The following UNC13C variants were observed in gnomAD, a reference collection of about 807,000 sequenced individuals.
The protein encoded by UNC13C is protein unc-13 homolog C.
UNC13C carries 174 observed loss-of-function variants against 245.4 expected under a neutral mutation model. The ratio of observed to expected loss-of-function variants is 0.71; its 90% CI spans 0.63 to 0.80. UNC13C has a LOEUF of 0.80. UNC13C is among the 30% of genes least tolerant of loss of function. The probability of loss-of-function intolerance (pLI) is 0.00; values close to 1 mark genes in which losing one functional copy is unlikely to be tolerated. For synonymous variants in UNC13C, 992 were observed against 895.1 expected (o/e 1.11, Z -1.93); for missense variants, 2,829 against 2,602.9 (o/e 1.09, Z -1.89).
chr15:54,451,742 T>G (rs1283703931), intron 19 of UNC13C, among the ~76,000 whole-genome samples: 1 of 152,220 alleles, frequency 6.6e-6, no homozygotes, highest in Non-Finnish European at 1.5e-5. Flanking sequence ...TACTTTTAAT[T>G]TTTCTGGTAT....
intron 8 of UNC13C, among the ~76,000 whole-genome samples, chr15:54,252,054 A>T (rs1248420018): frequency 2.0e-5 from 3 of 152,200 alleles, no homozygotes; most frequent in African/African-American, 7.2e-5. Flanking sequence ...TTTACATGCA[A>T]AATCTCATAA....
chr15:54,120,113 T>C (rs1384254560), intron 2 of UNC13C, among the ~76,000 whole-genome samples: 1 of 152,154 alleles, frequency 6.6e-6, no homozygotes, highest in African/African-American at 2.4e-5. Flanking sequence ...AAACAACAGA[T>C]TTTCAATATA....
At chr15:54,188,240 T>C (rs1270605385) in intron 4 of UNC13C, among the ~76,000 whole-genome samples, 1 of 152,176 alleles carries the variant, frequency 6.6e-6, no homozygotes, top group Non-Finnish European at 1.5e-5. Context: ...TAGAAAACCA[T>C]AACATTTGAA....
At chr15:53,976,890 A>ACGTT (rs1429947447), upstream of UNC13C, 1 of 152,202 alleles carries the variant, frequency 6.6e-6, no homozygotes, top group Non-Finnish European at 1.5e-5. Context: ...GTATTAAAAC[A>ACGTT]CGTTCTTCAA....
At chr15:54,321,012 A>C in intron 13 of UNC13C, 2 of 441,512 alleles carry the variant, frequency 4.5e-6, no homozygotes, top group Non-Finnish European at 8.8e-6. Context: ...AAAGCCACAC[A>C]GTCACTAACG....
At chr15:54,309,786 G>A (rs576570761) in intron 13 of UNC13C, among the ~76,000 whole-genome samples, 41 of 151,874 alleles carry the variant, frequency 2.7e-4, no homozygotes, top group Non-Finnish European at 4.0e-4. Context: ...TGGCACTCCC[G>A]TTGAAAATCA....
chr15:54,161,518 A>G (rs1214048659), intron 4 of UNC13C, among the ~76,000 whole-genome samples: 11 of 152,266 alleles, frequency 7.2e-5, no homozygotes, highest in Middle Eastern at 3.4e-3. Flanking sequence ...AGCATTAATA[A>G]CAACTGCCAG....
In UNC13C at chr15:54,245,807, AT is replaced by A. The variant is rs572179599; in HGVS notation, c.3229-4409del. The stretch of plus-strand genomic sequence containing the variant: ...TGAAAAATGGCTCAAAACAAGAAGC[AT>A]TTTTTTTTCTTGAAAGTATCAAAAT... On this transcript the variant is annotated intron_variant, in intron 7 of 32. Coordinates refer to ENST00000260323, the MANE Select transcript of UNC13C (RefSeq NM_001080534.3). 6.0e-3 allele frequency among the ~76,000 whole-genome samples: 916 copies of A among 151,412 alleles called. 7 individuals carry two copies. Among genetic ancestry groups the A allele is most frequent in the African/African-American group, 0.015 (599 of 41,290 alleles).
At chr15:53,957,923 G>T in the UNC13C span, among the ~76,000 whole-genome samples, 4 of 152,078 alleles carry the variant, frequency 2.6e-5, no homozygotes, top group Admixed American at 2.0e-4. Context: ...ATAAGCAAAA[G>T]ATATATTTAA....
At chr15:54,146,628 A>G (rs2032272246) in intron 4 of UNC13C, among the ~76,000 whole-genome samples, 3 of 152,234 alleles carry the variant, frequency 2.0e-5, no homozygotes, top group African/African-American at 7.2e-5. Context: ...AGCAAGAGAA[A>G]GTAGGAAAGA....
intron 30 of UNC13C, among the ~76,000 whole-genome samples, chr15:54,588,984 C>T (rs774112691): frequency 6.6e-6 from 1 of 152,108 alleles, no homozygotes; most frequent in Non-Finnish European, 1.5e-5. Context: ...ACTTCTTTGC[C>T]TTTGGGTAGA....
At chr15:54,230,368 G>C (rs1006527889) in intron 4 of UNC13C, among the ~76,000 whole-genome samples, 4 of 151,674 alleles carry the variant, frequency 2.6e-5, no homozygotes, top group African/African-American at 9.7e-5. Flanking sequence ...TTTATATCCT[G>C]CTTGATAGTT....
At chr15:54,321,121 C>G in intron 13 of UNC13C, 1 of 515,420 alleles carries the variant, frequency 1.9e-6, no homozygotes, top group Non-Finnish European at 3.8e-6. Context: ...GGGTGAGGCA[C>G]TAGCCATCTC....
chr15:54,446,691 C>G (rs1420912378), intron 19 of UNC13C, among the ~76,000 whole-genome samples: 1 of 152,130 alleles, frequency 6.6e-6, no homozygotes, highest in African/African-American at 2.4e-5. Context: ...AGATTTTGGG[C>G]TGAGATAATG....
At chr15:54,404,019 A>G (rs117785398) in intron 18 of UNC13C, among the ~76,000 whole-genome samples, 1,762 of 152,270 alleles carry the variant, frequency 0.012, 17 homozygotes, top group Non-Finnish European at 0.017. Flanking sequence ...CACTACATTC[A>G]TGATAATAGC....
At chr15:54,202,593 C>G (rs539234420) in intron 4 of UNC13C, among the ~76,000 whole-genome samples, 50 of 152,042 alleles carry the variant, frequency 3.3e-4, no homozygotes, top group African/African-American at 1.2e-3. Flanking sequence ...ACAAATGGTA[C>G]TGGGATAATT....
chr15:54,586,983 C>T (rs1053216025), intron 30 of UNC13C, among the ~76,000 whole-genome samples: 8 of 152,184 alleles, frequency 5.3e-5, no homozygotes, highest in African/African-American at 9.6e-5. Flanking sequence ...TCCACTTACA[C>T]ATTCATTTAT....
chr15:54,164,714 T>G (rs903812645), intron 4 of UNC13C, among the ~76,000 whole-genome samples: 9 of 152,158 alleles, frequency 5.9e-5, no homozygotes, highest in Non-Finnish European at 1.3e-4. Flanking sequence ...TGTTCTGGAT[T>G]GATGTAAACG....
chr15:54,207,101 C>G (rs2034737952), intron 4 of UNC13C, among the ~76,000 whole-genome samples: 1 of 150,678 alleles, frequency 6.6e-6, no homozygotes, highest in South Asian at 2.1e-4. Context: ...AGCAGTGGCA[C>G]TTTATTGATG....
Sources: gnomAD v4.1 joint callset for allele counts (sites outside exome capture counted in the v4.1 genomes callset) on GRCh38, gnomAD v4.1.1 for gene constraint, MANE v1.5 for transcripts, NCBI Gene and HGNC (gene_info 2026-07-23, HGNC 2026-07-21) for gene names.